The following ZFHX3 variants were observed in gnomAD, a reference collection of about 807,000 sequenced individuals.
The protein encoded by ZFHX3 is zinc finger homeobox 3.
A neutral mutation model predicts 279.1 loss-of-function variants in ZFHX3; 42 were observed. The observed-to-expected ratio is 0.15, with a 90% CI of 0.12 to 0.19. The LOEUF (loss-of-function observed/expected upper bound fraction) is 0.19, where lower values mean the gene tolerates loss of function less well. Among genes scored for constraint, ZFHX3 ranks in the 10% least tolerant of loss-of-function variants. The pLI is 1.00. For synonymous variants in ZFHX3, 2,293 were observed against 1,957.8 expected (o/e 1.17, Z -4.52); for missense variants, 4,981 against 4,754.0 (o/e 1.05, Z -1.40).
At chr16:72,932,840 G>T (rs970489264) in intron 3 of ZFHX3, among the ~76,000 whole-genome samples, 1 of 152,152 alleles carries the variant, frequency 6.6e-6, no homozygotes, top group African/African-American at 2.4e-5. Context: ...TGCAGACTGC[G>T]TCTAGGTGCA....
At chr16:72,836,256 A>C (rs553232507) in intron 4 of ZFHX3, among the ~76,000 whole-genome samples, 6 of 152,320 alleles carry the variant, frequency 3.9e-5, no homozygotes, top group South Asian at 2.1e-4. Flanking sequence ...AATAGTGACC[A>C]CAAGTCCTGC....
At chr16:72,997,667 C>T (rs1289964402) in intron 1 of ZFHX3, among the ~76,000 whole-genome samples, 2 of 152,192 alleles carry the variant, frequency 1.3e-5, no homozygotes, top group African/African-American at 4.8e-5. Context: ...AGTTCACTGG[C>T]CAGAATCATA....
intron 1 of ZFHX3, among the ~76,000 whole-genome samples, chr16:73,716,592 C>A (rs73599955): frequency 6.7e-6 from 1 of 150,052 alleles, no homozygotes; most frequent in East Asian, 2.0e-4. Context: ...AGTTCCTTCT[C>A]CCCCAGAATT....
intron 2 of ZFHX3, among the ~76,000 whole-genome samples, chr16:73,671,577 G>A (rs1182667101): frequency 6.6e-6 from 1 of 152,198 alleles, no homozygotes; most frequent in Non-Finnish European, 1.5e-5. Context: ...TTTCTAACCT[G>A]GCAGGGTGCC....
intron 4 of ZFHX3, among the ~76,000 whole-genome samples, chr16:72,887,613 G>C (rs756561660): frequency 1.3e-5 from 2 of 150,424 alleles, no homozygotes; most frequent in Non-Finnish European, 3.0e-5. Flanking sequence ...GTGAGGGTGC[G>C]TGTGGGATGC....
chr16:73,257,311 G>A (rs979464173), intron 4 of ZFHX3, among the ~76,000 whole-genome samples: 1 of 152,030 alleles, frequency 6.6e-6, no homozygotes, highest in Non-Finnish European at 1.5e-5. Context: ...ACTTTGTGTC[G>A]CCATTGTCAG....
chr16:73,544,801 ACTT>A (rs531071378), intron 2 of ZFHX3, among the ~76,000 whole-genome samples: 157 of 152,126 alleles, frequency 1.0e-3, no homozygotes, highest in African/African-American at 3.3e-3. Context: ...CCTGGGGGAC[ACTT>A]CTTCTGGGTT....
At chr16:73,507,830 A>G (rs530321415) in intron 2 of ZFHX3, among the ~76,000 whole-genome samples, 1 of 152,088 alleles carries the variant, frequency 6.6e-6, no homozygotes, top group Non-Finnish European at 1.5e-5. Flanking sequence ...GAGATTACAG[A>G]CAAACTTTTA....
chr16:73,289,959 A>G (rs2014725767), intron 4 of ZFHX3, among the ~76,000 whole-genome samples: 1 of 152,172 alleles, frequency 6.6e-6, no homozygotes, highest in Non-Finnish European at 1.5e-5. Context: ...CTGAGCCTCA[A>G]TTCCAATATG....
intron 1 of ZFHX3, among the ~76,000 whole-genome samples, chr16:73,807,820 G>A (rs139265651): frequency 1.3e-5 from 2 of 151,738 alleles, no homozygotes; most frequent in African/African-American, 2.4e-5. Flanking sequence ...ACCCATTCAC[G>A]CGGGACTCTA....
chr16:73,268,444 A>G (rs1272859716), intron 4 of ZFHX3, among the ~76,000 whole-genome samples: 1 of 152,154 alleles, frequency 6.6e-6, no homozygotes. Context: ...TACCCACAGG[A>G]GACTGACATT....
intron 2 of ZFHX3, among the ~76,000 whole-genome samples, chr16:73,618,251 G>T (rs1199574160): frequency 1.3e-5 from 2 of 152,180 alleles, no homozygotes; most frequent in Non-Finnish European, 2.9e-5. Context: ...ATCCTCTGGT[G>T]CCCTTAAAAA....
At chr16:73,697,420 C>T (rs551427257) in intron 1 of ZFHX3, among the ~76,000 whole-genome samples, 1 of 152,082 alleles carries the variant, frequency 6.6e-6, no homozygotes, top group African/African-American at 2.4e-5. Flanking sequence ...CATATATTGA[C>T]CTGTCACTCA....
chr16:73,090,060 ATCCGTGCTC>A (rs1445665359), intron 8 of ZFHX3, among the ~76,000 whole-genome samples: 1 of 152,094 alleles, frequency 6.6e-6, no homozygotes, highest in Admixed American at 6.6e-5. Flanking sequence ...TTTTTTCCTA[ATCCGTGCTC>A]TCCAAGTTCA....
chr16:72,977,512 A>G (rs1962400393), intron 1 of ZFHX3, among the ~76,000 whole-genome samples: 2 of 151,886 alleles, frequency 1.3e-5, no homozygotes, highest in African/African-American at 4.8e-5. Flanking sequence ...AACATGAACC[A>G]CCTCTTAGAA....
At chr16:73,715,296 G>A (rs2053403452) in intron 1 of ZFHX3, among the ~76,000 whole-genome samples, 1 of 152,142 alleles carries the variant, frequency 6.6e-6, no homozygotes, top group Admixed American at 6.5e-5. Flanking sequence ...GCATCCAAAT[G>A]AAATCAAGCA....
intron 2 of ZFHX3, among the ~76,000 whole-genome samples, chr16:73,613,391 T>C (rs976568540): frequency 6.6e-6 from 1 of 152,140 alleles, no homozygotes; most frequent in African/African-American, 2.4e-5. Context: ...TGACTCATTA[T>C]TTATTTTCAT....
chr16:73,496,023 C>T (rs1262237268), intron 2 of ZFHX3, among the ~76,000 whole-genome samples: 2 of 152,124 alleles, frequency 1.3e-5, no homozygotes, highest in East Asian at 1.9e-4. Flanking sequence ...AGAAAGAGAG[C>T]GACATATTAG....
At chr16:73,561,663 T>G (rs112416371) in intron 2 of ZFHX3, among the ~76,000 whole-genome samples, 2,201 of 151,858 alleles carry the variant, frequency 0.014, 59 homozygotes, top group African/African-American at 0.051. Flanking sequence ...TATACTTTAC[T>G]GAAGACAACT....
Sources: allele counts gnomAD v4.1 joint callset (sites outside exome capture counted in the v4.1 genomes callset), GRCh38; gene constraint gnomAD v4.1.1; transcripts MANE v1.5; gene names NCBI Gene and HGNC (gene_info 2026-07-23, HGNC 2026-07-21).